PRSS55: variants seen among roughly 807,000 people sequenced by gnomAD.
PRSS55 encodes the protein probable serine protease UNQ9391/PRO34284.
PRSS55 carries 41 observed loss-of-function variants against 23.6 expected under a neutral mutation model. The observed-to-expected ratio is 1.74, with a 90% confidence interval of 1.35 to 2.26. The LOEUF is 2.26. Ranked by LOEUF, PRSS55 falls within the 30% of genes most tolerant of loss-of-function variation. The pLI is 0.00. For missense variants in PRSS55, 669 were observed against 439.1 expected (o/e 1.52, Z -4.68); for synonymous variants, 262 against 175.5 (o/e 1.49, Z -3.90).
At chr8:10,527,370 G>C (rs1329349995) in intron 1 of PRSS55, among the ~76,000 whole-genome samples, 1 of 152,204 alleles carries the variant, frequency 6.6e-6, no homozygotes, top group East Asian at 1.9e-4. Flanking sequence ...CATTCAATCA[G>C]GGAATCAGCC....
In PRSS55 at chr8:10,525,869, G is replaced by GTCCTTTCTC. The variant is rs1334369286; in HGVS notation, c.154+135_154+143dup. The GTCCTTTCTC allele has an allele frequency of 3.0e-6, 3 of 997,610 alleles. No homozygotes were observed. In the Admixed American group the frequency reaches 8.5e-5, roughly 28 times the overall value. 61.8% of individuals were successfully genotyped at this position (997,610 alleles called of 1,614,324 possible). On this transcript the variant is annotated intron_variant, in intron 1 of 4. Transcript: ENST00000328655. ...CACATACCCCTTCTCCAAACCACTT[G>GTCCTTTCTC]TCCTTTCTCTCCTCTCTCCCCTGGC...
chr8:10,538,189 C>T (rs1812521355), intron 4 of PRSS55, among the ~76,000 whole-genome samples: 1 of 152,192 alleles, frequency 6.6e-6, no homozygotes, highest in African/African-American at 2.4e-5. Flanking sequence ...CCTTGGCCTG[C>T]ATCTCTCTGT....
chr8:10,539,677 T>A (rs796256569), downstream of PRSS55, among the ~76,000 whole-genome samples: 13 of 152,358 alleles, frequency 8.5e-5, no homozygotes, highest in African/African-American at 3.1e-4. Context: ...GATGGTTTTA[T>A]AAGAGGTTTC....
At chr8:10,526,335 A>G (rs1259959005) in intron 1 of PRSS55, among the ~76,000 whole-genome samples, 1 of 152,166 alleles carries the variant, frequency 6.6e-6, no homozygotes, top group Non-Finnish European at 1.5e-5. Flanking sequence ...GGATTTGCCC[A>G]AAGTTGCCCC....
chr8:10,534,710 A>T (rs760958750), intron 4 of PRSS55, among the ~76,000 whole-genome samples: 24 of 152,230 alleles, frequency 1.6e-4, no homozygotes, highest in Non-Finnish European at 3.4e-4. Context: ...TAGAAGTCTT[A>T]GCCAGAGCAA....
At chr8:10,554,011 C>G (rs554782035) in exon 5 of PRSS55, 14 of 1,530,512 alleles carry the variant, frequency 9.1e-6, no homozygotes, top group Non-Finnish European at 1.2e-5. Context: ...CTGGGTCTCA[C>G]ACCTTTCATC....
At chr8:10,540,204 C>G (rs370227410), downstream of PRSS55, 1 of 152,318 alleles carries the variant, frequency 6.6e-6, no homozygotes, top group South Asian at 2.1e-4. Context: ...GTGGGGCGGA[C>G]CACAATTCAC....
chr8:10,549,083 C>A (rs1222402620), intron 4 of PRSS55, among the ~76,000 whole-genome samples: 1 of 152,212 alleles, frequency 6.6e-6, no homozygotes, highest in Non-Finnish European at 1.5e-5. Context: ...GGAGCATTTA[C>A]TACCTGACCC....
chr8:10,532,335 A>ATT (rs2117028135), intron 3 of PRSS55, among the ~76,000 whole-genome samples: 1 of 152,316 alleles, frequency 6.6e-6, no homozygotes, highest in South Asian at 2.1e-4. Context: ...AGGGGAAGAA[A>ATT]TGTGAAATCT....
At chr8:10,544,302 T>C (rs1020966372) in intron 4 of PRSS55, among the ~76,000 whole-genome samples, 3 of 152,180 alleles carry the variant, frequency 2.0e-5, no homozygotes, top group Non-Finnish European at 4.4e-5. Context: ...AATTTTTTGT[T>C]TTACAGTCTA....
At chr8:10,546,558 C>T (rs1198671052) in intron 4 of PRSS55, among the ~76,000 whole-genome samples, 2 of 152,158 alleles carry the variant, frequency 1.3e-5, no homozygotes, top group African/African-American at 4.8e-5. Flanking sequence ...AGCTCCAAAG[C>T]CTTAGACTTG....
intron 1 of PRSS55, among the ~76,000 whole-genome samples, chr8:10,526,123 G>A (rs943145556): frequency 3.3e-5 from 5 of 152,288 alleles, no homozygotes; most frequent in Admixed American, 2.0e-4. Flanking sequence ...GTGCAAGGGT[G>A]CTTCTGTCCT....
chr8:10,538,358 G>C (rs1812527833), intron 4 of PRSS55, 118 bp from the exon 5 acceptor site: 3 of 757,180 alleles, frequency 4.0e-6, no homozygotes, highest in Non-Finnish European at 6.5e-6. Context: ...GCAGGGATGG[G>C]GTGGGTTGGC....
At chr8:10,546,070 C>T (rs1445582370) in intron 4 of PRSS55, among the ~76,000 whole-genome samples, 3 of 152,130 alleles carry the variant, frequency 2.0e-5, no homozygotes, top group Admixed American at 1.3e-4. Context: ...GTCCAAGGAG[C>T]AAAGGCAGGG....
downstream of PRSS55, chr8:10,538,919 G>T (rs1243138602): frequency 9.6e-6 from 9 of 933,132 alleles, no homozygotes; most frequent in Non-Finnish European, 1.4e-5. Context: ...GGACCAGAGA[G>T]TCACCCTGGG....
chr8:10,532,272 TAGA>T (rs1812296006), intron 3 of PRSS55, among the ~76,000 whole-genome samples: 1 of 152,030 alleles, frequency 6.6e-6, no homozygotes, highest in Admixed American at 6.5e-5. Context: ...CCTGGAAAGG[TAGA>T]AGAAGGAGAG....
At chr8:10,545,335 C>A (rs1310933604) in intron 4 of PRSS55, 3 of 151,956 alleles carry the variant, frequency 2.0e-5, no homozygotes, top group Non-Finnish European at 2.9e-5. Context: ...GTATCTGGGA[C>A]CACAAGTGTG....
At chr8:10,539,522 G>T (rs1028377003), downstream of PRSS55, among the ~76,000 whole-genome samples, 1 of 152,160 alleles carries the variant, frequency 6.6e-6, no homozygotes, top group Non-Finnish European at 1.5e-5. Flanking sequence ...GATATGGTTT[G>T]GCTATGTCCC....
At chr8:10,536,648 T>C (rs568540579) in intron 4 of PRSS55, among the ~76,000 whole-genome samples, 2 of 152,162 alleles carry the variant, frequency 1.3e-5, no homozygotes, top group Admixed American at 6.5e-5. Flanking sequence ...GATAAAGAAA[T>C]TGTGATACAC....
Sources: gnomAD v4.1 joint callset for allele counts (sites outside exome capture counted in the v4.1 genomes callset) on GRCh38, gnomAD v4.1.1 for gene constraint, MANE v1.5 for transcripts, NCBI Gene and HGNC (gene_info 2026-07-23, HGNC 2026-07-21) for gene names.